The following UNC80 variants were observed in gnomAD, a reference collection of about 807,000 sequenced individuals.
The protein encoded by UNC80 is unc-80 subunit of NALCN channel complex.
A neutral mutation model predicts 384.6 loss-of-function variants in UNC80; 164 were observed. That is an observed-to-expected ratio of 0.43 (90% confidence interval 0.38 to 0.49). UNC80 has a LOEUF of 0.49. UNC80 is among the 20% of genes least tolerant of loss of function. The pLI, the probability that UNC80 is intolerant of heterozygous loss-of-function variation, is 0.00. For synonymous variants in UNC80, 1,486 were observed against 1,527.8 expected (o/e 0.97, Z 0.64); for missense variants, 3,330 against 4,143.0 (o/e 0.80, Z 5.39).
At position 209,819,253 on chromosome 2, in the gene UNC80, G is replaced by C. The variant is rs535039346; in HGVS notation, c.1954G>C (p.Asp652His). The change falls in exon 12 of 65, where the codon GAT becomes CAT. Residue 652 changes from aspartate (D) to histidine (H), a missense_variant. Physicochemically the swap from Asp to His is moderately conservative, Grantham distance 81. This residue lies in a region of UNC80 where 937 missense variants were observed against 1,026.8 expected (regional missense o/e 0.91). Transcript: ENST00000673920. Reference protein sequence around the residue: ...NNFVHKNGMLDLSVVLKAVYL... With the variant: ...NNFVHKNGMLHLSVVLKAVYL... ...CTTTGTCCACAAGAATGGAATGCTT[G>C]ATCTTTCTGTAAGAAGCAAGAATTT... 4.5e-6 allele frequency: 7 copies of C among 1,545,012 alleles called. No individual in the cohort carries two copies. In the East Asian group the frequency reaches 1.5e-4, roughly 32 times the overall value.
At position 209,896,364 on chromosome 2, in the gene UNC80, G is replaced by T; in HGVS notation, c.4532G>T (p.Ser1511Ile). 3 of 1,551,694 alleles carry T rather than the reference G, an allele frequency of 1.9e-6. No homozygotes were observed. The highest frequency in any genetic ancestry group is 2.6e-6 in the Non-Finnish European group (3 of 1,146,974). ...SEPSIEPEGMSNAGAEENYHR... is the reference protein window; with the variant it reads ...SEPSIEPEGMINAGAEENYHR... ...CCCAGCATTGAGCCAGAGGGAATGA[G>T]TAATGCCGGCGCGGAGGAGAATTAC... The change falls in exon 28 of 65, where the codon AGT becomes ATT. Residue 1511 changes from serine (S) to isoleucine (I), a missense_variant. Ser to Ile is a moderately radical substitution (Grantham distance 142). Around this residue, in one of 8 missense-constraint regions of UNC80, gnomAD observed 801 missense variants for 950.8 expected, o/e 0.84. Coordinates refer to ENST00000673920, the MANE Select transcript of UNC80 (RefSeq NM_001371986.1).
At chr2:209,792,442 G>A (rs972715421) in intron 6 of UNC80, among the ~76,000 whole-genome samples, 1 of 152,206 alleles carries the variant, frequency 6.6e-6, no homozygotes, top group Admixed American at 6.5e-5. Flanking sequence ...CCGCCTCCCG[G>A]GTTCATGCCA....
chr2:209,955,773 T>G, intron 48 of UNC80, among the ~76,000 whole-genome samples: 1 of 127,484 alleles, frequency 7.8e-6, no homozygotes, highest in Non-Finnish European at 1.6e-5. Context: ...AGAGACTGAC[T>G]CACTCTGTCA....
chr2:209,977,145 T>G, intron 58 of UNC80, 67 bp downstream of exon 58: 1 of 1,355,874 alleles, frequency 7.4e-7, no homozygotes, highest in Non-Finnish European at 9.7e-7. Flanking sequence ...AAAGAATCCC[T>G]CTGTCCAGGT....
At chr2:209,944,004 T>C (rs1247619973) in intron 45 of UNC80, among the ~76,000 whole-genome samples, 2 of 152,160 alleles carry the variant, frequency 1.3e-5, no homozygotes, top group Non-Finnish European at 2.9e-5. Flanking sequence ...TTGTTGCAGG[T>C]TGTGGGTCAA....
chr2:209,872,718 A>G lies in UNC80; in HGVS notation c.3628-40A>G, dbSNP rs1171940547. On this transcript the variant is annotated intron_variant, in intron 22 of 64. Coordinates refer to ENST00000673920, the MANE Select transcript of UNC80 (RefSeq NM_001371986.1). This position sits in a 1 kb window ranked among gnomAD's most constrained non-coding sequence, Gnocchi z 4.1. Reference sequence around the variant, plus strand: ...TAAGACCAATTTAAAGTTATTGTTCATTAATCCCACATTATTCTTTCCTAA... The same window carrying G: ...TAAGACCAATTTAAAGTTATTGTTCGTTAATCCCACATTATTCTTTCCTAA... The G allele has an allele frequency of 6.7e-6, 10 of 1,498,166 alleles. No individual in the cohort carries two copies. The highest frequency in any genetic ancestry group is 2.0e-5 in the Admixed American group (1 of 50,782). The allele number at this position is 1,498,166 out of a possible 1,614,324, so 92.8% of individuals were successfully genotyped here.
Position 209,834,903 on chromosome 2 carries a change from T to C in UNC80, c.2943-9T>C, listed in dbSNP as rs1559168129. On this transcript the variant is annotated splice_polypyrimidine_tract_variant and intron_variant, in intron 17 of 64. Coordinates refer to ENST00000673920, the MANE Select transcript of UNC80 (RefSeq NM_001371986.1). ...CTGCTGTAATTGTTGGAATGCACCATTTGCATAGGTCAGAGGCGGGAAGCA... is the reference window on the plus strand; with the variant it reads ...CTGCTGTAATTGTTGGAATGCACCACTTGCATAGGTCAGAGGCGGGAAGCA... 1.4e-5 allele frequency: 21 copies of C among 1,546,374 alleles called. No individual in the cohort carries two copies. Among genetic ancestry groups the C allele is most frequent in the Non-Finnish European group, 1.8e-5 (21 of 1,143,238 alleles).
At chr2:209,810,251 C>T (rs1346900351) in intron 7 of UNC80, among the ~76,000 whole-genome samples, 4 of 152,088 alleles carry the variant, frequency 2.6e-5, no homozygotes, top group African/African-American at 9.7e-5. Flanking sequence ...CTCTGGTCTG[C>T]CCAATGTATC....
chr2:209,872,029 G>A lies in UNC80; in HGVS notation c.3628-729G>A, dbSNP rs2084347580. Among the ~76,000 whole-genome samples, 1 of 151,408 alleles carries A rather than the reference G, an allele frequency of 6.6e-6. No individual in the cohort carries two copies. Among genetic ancestry groups the A allele is most frequent in the Admixed American group, 6.6e-5 (1 of 15,134 alleles). On this transcript the variant is annotated intron_variant, in intron 22 of 64. Transcript: ENST00000673920. This position sits in a 1 kb window ranked among gnomAD's most constrained non-coding sequence, Gnocchi z 4.1. Reference sequence around the variant, plus strand: ...GCTTCCTTTTCTTTTTTGAGGTGGAGTCTCACTCTGTCTCCCAGGCTGGAG... The same window carrying A: ...GCTTCCTTTTCTTTTTTGAGGTGGAATCTCACTCTGTCTCCCAGGCTGGAG...
At chr2:209,986,501 G>A (rs1244025907) in intron 61 of UNC80, among the ~76,000 whole-genome samples, 1 of 152,170 alleles carries the variant, frequency 6.6e-6, no homozygotes, top group East Asian at 1.9e-4. Flanking sequence ...CAGTGTCAAT[G>A]GAAATATACA....
intron 36 of UNC80, among the ~76,000 whole-genome samples, chr2:209,928,584 A>G (rs1348802545): frequency 6.6e-6 from 1 of 152,234 alleles, no homozygotes; most frequent in African/African-American, 2.4e-5. Context: ...TTTATGGGGT[A>G]CAGTGATATT....
At chr2:209,960,341 G>A (rs555277845) in intron 51 of UNC80, among the ~76,000 whole-genome samples, 2 of 152,274 alleles carry the variant, frequency 1.3e-5, no homozygotes, top group Admixed American at 6.5e-5. Context: ...CTGTGCACTC[G>A]TATTTCGTCT....
At chr2:209,850,150 A>T (rs2082422142) in intron 22 of UNC80, among the ~76,000 whole-genome samples, 1 of 152,092 alleles carries the variant, frequency 6.6e-6, no homozygotes, top group Non-Finnish European at 1.5e-5. Context: ...AATTGCACAA[A>T]CACTTTGAAC....
At chr2:209,972,093 A>G (rs2092902573) in intron 54 of UNC80, 108 bp from the exon 55 acceptor site, 1 of 1,364,926 alleles carries the variant, frequency 7.3e-7, no homozygotes, top group Admixed American at 2.7e-5. Context: ...CTCATAGTTT[A>G]CAGGAGCAGC....
intron 25 of UNC80, among the ~76,000 whole-genome samples, chr2:209,881,713 G>T (rs1407367751): frequency 1.3e-5 from 2 of 151,960 alleles, no homozygotes; most frequent in African/African-American, 4.8e-5. Context: ...TTTAACCAAT[G>T]ATATAAATAT....
At chr2:209,959,236 A>G (rs2092513007) in intron 50 of UNC80, 82 bp downstream of exon 50, 9 of 1,469,164 alleles carry the variant, frequency 6.1e-6, no homozygotes, top group Non-Finnish European at 8.4e-6. Context: ...TGGCTCTATT[A>G]GATTTCATTT....
chr2:209,786,752 A>G (rs905858842), intron 5 of UNC80, among the ~76,000 whole-genome samples: 10 of 152,190 alleles, frequency 6.6e-5, no homozygotes, highest in South Asian at 2.1e-4. Context: ...CTCCAAATCT[A>G]TCTCTTACTA....
At chr2:209,810,375 A>G (rs2079251403) in intron 7 of UNC80, among the ~76,000 whole-genome samples, 1 of 152,196 alleles carries the variant, frequency 6.6e-6, no homozygotes, top group Non-Finnish European at 1.5e-5. Context: ...AACGTTTTGT[A>G]TAGTTAATGT....
chr2:209,799,668 T>C (rs1318470401), intron 7 of UNC80, among the ~76,000 whole-genome samples: 2 of 152,218 alleles, frequency 1.3e-5, no homozygotes, highest in Non-Finnish European at 2.9e-5. Flanking sequence ...AAGGGAATGC[T>C]TCCAGCTTTT....
Sources: allele counts gnomAD v4.1 joint callset (sites outside exome capture counted in the v4.1 genomes callset), GRCh38; gene constraint gnomAD v4.1.1; regional missense constraint gnomAD v4.1.1; non-coding constraint Gnocchi (gnomAD v3.1); transcripts MANE v1.5; gene names NCBI Gene and HGNC (gene_info 2026-07-23, HGNC 2026-07-21).